AMOTL2: variants seen among roughly 807,000 people sequenced by gnomAD.
AMOTL2 encodes angiomotin like 2.
Under a neutral mutation model 78.4 loss-of-function variants are expected in AMOTL2, and 33 were observed. That is an observed-to-expected ratio of 0.42 (90% confidence interval 0.32 to 0.56). The LOEUF (loss-of-function observed/expected upper bound fraction) is 0.56, where lower values mean the gene tolerates loss of function less well. Among genes scored for constraint, AMOTL2 ranks in the 20% least tolerant of loss-of-function variants. The pLI is 0.12. For missense variants in AMOTL2, 983 were observed against 1,030.1 expected, an observed-to-expected ratio of 0.95 and a Z score of 0.63; for synonymous variants, 422 against 428.8, an observed-to-expected ratio of 0.98 and a Z score of 0.20.
At chr3:134,364,439 A>G (rs1017906402) in intron 5 of AMOTL2, among the ~76,000 whole-genome samples, 3 of 151,890 alleles carry the variant, frequency 2.0e-5, no homozygotes, top group Non-Finnish European at 4.4e-5. Flanking sequence ...CAGGCTCCAG[A>G]AGTCCGCCTT....
At chr3:134,374,794 T>C (rs908626124), upstream of AMOTL2, 1 of 1,032,824 alleles carries the variant, frequency 9.7e-7, no homozygotes, top group Non-Finnish European at 1.2e-6. Flanking sequence ...TCGCCTCCAC[T>C]CCCAGTCGCC....
chr3:134,366,978 C>T (rs1014555384), intron 3 of AMOTL2: 1 of 156,448 alleles, frequency 6.4e-6, no homozygotes, highest in Non-Finnish European at 1.4e-5. Context: ...CCAGGCATCA[C>T]CATCCACCCA....
chr3:134,371,559 G>C (rs2017868069), intron 1 of AMOTL2, 65 bp from the exon 2 acceptor site: 1 of 1,497,068 alleles, frequency 6.7e-7, no homozygotes, highest in Non-Finnish European at 8.9e-7. Flanking sequence ...AAAGGAGAAG[G>C]CTTTCCAGGA....
chr3:134,361,608 G>A lies in AMOTL2; in HGVS notation c.1479C>T (p.Leu493=), dbSNP rs767540243. 22 of 1,612,790 alleles carry A rather than the reference G, an allele frequency of 1.4e-5. No individual in the cohort carries two copies. The highest frequency in any genetic ancestry group is 5.5e-5 in the South Asian group (5 of 91,088). The change falls in exon 6 of 10, where the codon CTC becomes CTT. Residue 493 remains leucine (L), a synonymous_variant. Transcript: ENST00000249883. The part of the protein sequence containing the change: ...VEKVERLQQA[L]GQLQAACEKR... ...TCTCACAGGCTGCCTGCAGCTGCCC[G>A]AGCGCCTGCTGCAGCCGCTCCACTT...
rs1559804704 is a variant in AMOTL2, at chr3:134,371,682, C to G, written c.-61-188G>C. The G allele has an allele frequency of 1.0e-5, 9 of 904,170 alleles. No homozygotes were observed. In the South Asian group the frequency reaches 2.4e-4, roughly 24 times the overall value. 56.0% of individuals were successfully genotyped at this position (904,170 alleles called of 1,614,324 possible). A position where few individuals can be genotyped will look rare whatever the true frequency, so the allele number is the denominator to read the frequency against. ...CCATCTACTGATTAAGACAAGTTAC[C>G]TAATCTCTGAGCCTCAGTTTCTCCA... On this transcript the variant is annotated intron_variant, in intron 1 of 9. Transcript: ENST00000249883.
rs2017047384 is a variant in AMOTL2 at position 134,355,551 on chromosome 3, G to A, written c.*2154C>T. On this transcript the variant is annotated 3_prime_UTR_variant, in exon 10 of 10. Transcript: ENST00000249883. ...GGAGTGGGAAAAGGAGTGGGGGAAG[G>A]ATAAAGCCATCTTTGGACACCCACT... is the stretch of plus-strand genomic sequence containing the variant. Among the ~76,000 whole-genome samples the A allele has an allele frequency of 6.6e-6, 1 of 152,170 alleles. No homozygotes were observed. The highest frequency in any genetic ancestry group is 2.1e-4 in the South Asian group (1 of 4,824).
At position 134,370,833 on chromosome 3, in the gene AMOTL2, C is replaced by G. The variant is rs777693609; in HGVS notation, c.601G>C (p.Ala201Pro). 2 of 1,591,350 alleles carry G rather than the reference C, an allele frequency of 1.3e-6. No individual in the cohort carries two copies. The highest frequency in any genetic ancestry group is 1.7e-6 in the Non-Finnish European group (2 of 1,167,226). ...GGTCCTCGGGACTCTGGGCCCTCAG[C>G]AGGGGGGCCCCTCAGTGGGGGGCCC... ...QQGPPLRGPP[A>P]EGPESRGPPP... The change falls in exon 2 of 10, where the codon GCT (alanine) becomes CCT (proline). Residue 201 changes from alanine (A) to proline (P), a missense_variant. Coordinates refer to ENST00000249883, the MANE Select transcript of AMOTL2 (RefSeq NM_016201.4).
intron 9 of AMOTL2, among the ~76,000 whole-genome samples, 176 bp from the exon 10 acceptor site, chr3:134,357,939 C>A (rs540973626): frequency 6.6e-6 from 1 of 152,370 alleles, no homozygotes; most frequent in East Asian, 1.9e-4. Context: ...CAGTGCTCAG[C>A]CCAGCCCACC....
In AMOTL2 at chr3:134,358,738, GGTTATTGCCATGCCT is replaced by G. The variant is rs1348385207; in HGVS notation, c.2105-34_2105-20del. On this transcript the variant is annotated intron_variant, in intron 8 of 9. Transcript: ENST00000249883. ...CTGTCTGCTGGAAAGGTAGGTGGATGGTTATTGCCATGCCTGTAAGATGTGGCCCTGGTGAAGGAC... is the reference window on the plus strand; with the variant it reads ...CTGTCTGCTGGAAAGGTAGGTGGATGGTAAGATGTGGCCCTGGTGAAGGAC... 1 of 1,613,844 alleles carries G rather than the reference GGTTATTGCCATGCCT, an allele frequency of 6.2e-7. No individual in the cohort carries two copies. Among genetic ancestry groups the G allele is most frequent in the Admixed American group, 1.7e-5 (1 of 59,986 alleles).
At chr3:134,374,557 A>C (rs926658635), upstream of AMOTL2, 3 of 985,368 alleles carry the variant, frequency 3.0e-6, no homozygotes, top group Non-Finnish European at 3.6e-6. Flanking sequence ...AGCGAACCAC[A>C]AATAACCTCT....
chr3:134,374,634 G>C (rs554662287), upstream of AMOTL2: 84 of 983,724 alleles, frequency 8.5e-5, no homozygotes, highest in African/African-American at 1.3e-3. Context: ...GCCTTCCTCC[G>C]GGGAGGCGGC....
chr3:134,366,626 A>G, intron 3 of AMOTL2, 199 bp from the exon 4 acceptor site: 2 of 551,632 alleles, frequency 3.6e-6, no homozygotes. Flanking sequence ...CCAGCAAGCA[A>G]CGGTCCCATC....
At chr3:134,368,086 C>T (rs2017690595) in intron 2 of AMOTL2, among the ~76,000 whole-genome samples, 1 of 152,200 alleles carries the variant, frequency 6.6e-6, no homozygotes, top group African/African-American at 2.4e-5. Context: ...ATACCCGCCT[C>T]ACAGTGGCTG....
chr3:134,364,455 A>G (rs2017521920), intron 5 of AMOTL2, among the ~76,000 whole-genome samples: 1 of 151,864 alleles, frequency 6.6e-6, no homozygotes, highest in Non-Finnish European at 1.5e-5. Flanking sequence ...GCCTTCCTCC[A>G]CAGGCACCCT....
chr3:134,368,272 T>A (rs2017697476), intron 2 of AMOTL2, among the ~76,000 whole-genome samples: 3 of 152,194 alleles, frequency 2.0e-5, no homozygotes, highest in Admixed American at 2.0e-4. Context: ...ACAACTTTGG[T>A]GGCTGGGCCC....
At chr3:134,358,232 G>T (rs564158678) in intron 9 of AMOTL2, among the ~76,000 whole-genome samples, 1 of 152,334 alleles carries the variant, frequency 6.6e-6, no homozygotes, top group South Asian at 2.1e-4. Flanking sequence ...AATCAAATTG[G>T]AAATTAACTA....
At chr3:134,362,511 G>A (rs1178721934) in intron 5 of AMOTL2, among the ~76,000 whole-genome samples, 1 of 152,164 alleles carries the variant, frequency 6.6e-6, no homozygotes, top group Non-Finnish European at 1.5e-5. Flanking sequence ...TGCAGACCCA[G>A]GCCGAGAGGT....
rs747545396 is a variant in AMOTL2, at chr3:134,361,657, C to A, written c.1430G>T (p.Arg477Leu). 2.5e-6 allele frequency: 4 copies of A among 1,612,494 alleles called. No individual in the cohort carries two copies. The highest frequency in any genetic ancestry group is 3.4e-6 in the Non-Finnish European group (4 of 1,179,966). The change falls in exon 6 of 10, where the codon CGC (arginine) becomes CTC (leucine). Residue 477 changes from arginine (R) to leucine (L), a missense_variant. Transcript: ENST00000249883. ...GRAARAEEEL[R>L]KKQAYVEKVE... ...TTTCTCCACATAGGCCTGCTTCTTG[C>A]GCAGCTCCTCTTCGGCTCGAGCTGC...
At chr3:134,361,306 C>G (rs2017349323) in intron 6 of AMOTL2, among the ~76,000 whole-genome samples, 1 of 152,200 alleles carries the variant, frequency 6.6e-6, no homozygotes, top group South Asian at 2.1e-4. Flanking sequence ...GGCAGGGCCT[C>G]TACTAAGACA....
Sources: allele counts gnomAD v4.1 joint callset (sites outside exome capture counted in the v4.1 genomes callset), GRCh38; gene constraint gnomAD v4.1.1; transcripts MANE v1.5; gene names NCBI Gene and HGNC (gene_info 2026-07-23, HGNC 2026-07-21).